SEPTIN9: variants seen among roughly 807,000 people sequenced by gnomAD.
SEPTIN9 encodes septin-9.
In SEPTIN9, 13 loss-of-function variants were observed where a neutral mutation model predicts 56.6. The ratio of observed to expected loss-of-function variants is 0.23; its 90% CI spans 0.15 to 0.37. The LOEUF (loss-of-function observed/expected upper bound fraction) is 0.37, where lower values mean the gene tolerates loss of function less well. SEPTIN9 is among the 10% of genes least tolerant of loss of function. SEPTIN9 has a pLI of 1.00. For synonymous variants in SEPTIN9, 332 were observed against 334.1 expected (o/e 0.99, Z 0.07); for missense variants, 650 against 823.1 (o/e 0.79, Z 2.57).
In SEPTIN9 at chr17:77,448,794, T is replaced by TTTTG. The variant is rs2037854202; in HGVS notation, c.722-33347_722-33346insGTTT. On this transcript the variant is annotated intron_variant, in intron 3 of 11. Transcript: ENST00000427177. ...TTTCCTTTTTCTTTTCTTTTCTTTT[T>TTTTG]TTTTTTAAATATGGGGTCTCACACT... 1.8e-4 allele frequency among the ~76,000 whole-genome samples: 28 copies of TTTTG among 152,268 alleles called. 1 individual carries two copies. In the East Asian group the frequency reaches 5.4e-3, roughly 29 times the overall value.
In SEPTIN9 at chr17:77,450,860, C is replaced by G; in HGVS notation, c.722-31284C>G. 6.2e-6 allele frequency: 6 copies of G among 966,992 alleles called. No homozygotes were observed. Among genetic ancestry groups the G allele is most frequent in the Non-Finnish European group, 7.4e-6 (6 of 813,046 alleles). The allele number at this position is 966,992 out of a possible 1,614,324, so 59.9% of individuals were successfully genotyped here. ...TTCCATGGTCCCAGCCAGCAAGCAC[C>G]TGGGGTAGAGGGGACAAACCCAGGT... is the stretch of plus-strand genomic sequence containing the variant. On this transcript the variant is annotated intron_variant, in intron 3 of 11. Coordinates refer to ENST00000427177, the MANE Select transcript of SEPTIN9 (RefSeq NM_001113491.2). This position sits in a 1 kb window ranked among gnomAD's most constrained non-coding sequence, Gnocchi z 6.0.
At chr17:77,415,525 T>A (rs1201788256) in intron 3 of SEPTIN9, among the ~76,000 whole-genome samples, 1 of 151,764 alleles carries the variant, frequency 6.6e-6, no homozygotes, top group South Asian at 2.1e-4. Context: ...GAGAATCTGC[T>A]TGATTCCAGG....
At chr17:77,410,232 C>T (rs1192448158) in intron 3 of SEPTIN9, among the ~76,000 whole-genome samples, 4 of 152,104 alleles carry the variant, frequency 2.6e-5, no homozygotes, top group Admixed American at 2.6e-4. Context: ...TGACCCTGTC[C>T]CCCCATCCCA....
intron 3 of SEPTIN9, among the ~76,000 whole-genome samples, chr17:77,412,221 G>A (rs770653299): frequency 6.6e-6 from 1 of 151,452 alleles, no homozygotes; most frequent in South Asian, 2.1e-4. Context: ...TCCCCTCGTC[G>A]ACCTGCTCAG....
At chr17:77,452,800 CTT>C (rs2038034850) in intron 3 of SEPTIN9, among the ~76,000 whole-genome samples, 1 of 151,250 alleles carries the variant, frequency 6.6e-6, no homozygotes, top group Non-Finnish European at 1.5e-5. Context: ...ATGTCATTCT[CTT>C]TGGCCAACTC....
rs1486974716 is a variant in SEPTIN9 at position 77,499,528 on chromosome 17, G to A, written c.*870G>A. 1 of 465,020 alleles carries A rather than the reference G, an allele frequency of 2.2e-6. No individual in the cohort carries two copies. 28.8% of individuals were successfully genotyped at this position (465,020 alleles called of 1,614,324 possible). ...TGAGTCTGGTGGAGGAGCTGAGGGA[G>A]GGAGCCATGGAAGGTGCCAGAAGGA... On this transcript the variant is annotated 3_prime_UTR_variant, in exon 12 of 12. Transcript: ENST00000427177.
chr17:77,313,706 C>G lies in SEPTIN9; in HGVS notation c.76+6509C>G, dbSNP rs1376247710. Among the ~76,000 whole-genome samples the G allele has an allele frequency of 6.6e-6, 1 of 152,054 alleles. No individual in the cohort carries two copies. Among genetic ancestry groups the G allele is most frequent in the Non-Finnish European group, 1.5e-5 (1 of 68,002 alleles). On this transcript the variant is annotated intron_variant, in intron 2 of 11. Transcript: ENST00000427177. This position sits in a 1 kb window ranked among gnomAD's most constrained non-coding sequence, Gnocchi z 4.5. ...TTCAGTGGTTGAGTCTGAGGATGAG[C>G]AGGAAATGAATGGAAAAGTCTTTTT...
intron 1 of SEPTIN9, among the ~76,000 whole-genome samples, chr17:77,289,193 T>C (rs1194212283): frequency 1.3e-5 from 2 of 152,058 alleles, no homozygotes; most frequent in Non-Finnish European, 2.9e-5. Context: ...GCCTCCTGGG[T>C]TCAAGCAATT....
At position 77,475,526 on chromosome 17, in the gene SEPTIN9, C is replaced by T. The variant is rs1045020723; in HGVS notation, c.722-6618C>T. 6.2e-7 allele frequency: 1 copy of T among 1,611,480 alleles called. No homozygotes were observed. The highest frequency in any genetic ancestry group is 8.5e-7 in the Non-Finnish European group (1 of 1,179,398). ...AGGACCTGAAGTGCCCCCATGGGCT[C>T]AAGTTTCTGGGAAGGCCTGCAGGTG... On this transcript the variant is annotated intron_variant, in intron 3 of 11. Transcript: ENST00000427177. The surrounding 1 kb of genome is among the most constrained non-coding windows in gnomAD (Gnocchi z 4.6).
rs140255695 is a variant in SEPTIN9, at chr17:77,316,497, G to A, written c.76+9300G>A. On this transcript the variant is annotated intron_variant, in intron 2 of 11. Transcript: ENST00000427177. ...CTCAGCAAGTGCTCCAGCCCTGGCC[G>A]TCAAACCCATAGTGTGCACAGCGTG... 2.0e-3 allele frequency among the ~76,000 whole-genome samples: 307 copies of A among 152,286 alleles called. 1 individual carries two copies. The highest frequency in any genetic ancestry group is 6.9e-3 in the African/African-American group (285 of 41,554).
chr17:77,433,313 T>C lies in SEPTIN9; in HGVS notation c.721+30610T>C, dbSNP rs2037215629. 6.6e-6 allele frequency among the ~76,000 whole-genome samples: 1 copy of C among 151,900 alleles called. No homozygotes were observed. The highest frequency in any genetic ancestry group is 1.5e-5 in the Non-Finnish European group (1 of 67,938). On this transcript the variant is annotated intron_variant, in intron 3 of 11. Transcript: ENST00000427177. This position sits in a 1 kb window ranked among gnomAD's most constrained non-coding sequence, Gnocchi z 6.4. ...CTCCATGCAGCCCCTTCACTGGCCA[T>C]TGCCTGAGACCCGACCTGGTGGCTC...
chr17:77,498,881 A>G lies in SEPTIN9; in HGVS notation c.*223A>G, dbSNP rs2040393072. ...TGTGGGGAGGCTGCACTGGAGCCAC[A>G]GGCAGGGGTGAGAGCACCCACTGAA... is the stretch of plus-strand genomic sequence containing the variant. On this transcript the variant is annotated 3_prime_UTR_variant, in exon 12 of 12. Coordinates refer to ENST00000427177, the MANE Select transcript of SEPTIN9 (RefSeq NM_001113491.2). 1.7e-6 allele frequency: 1 copy of G among 597,394 alleles called. No homozygotes were observed. The highest frequency in any genetic ancestry group is 3.2e-6 in the Non-Finnish European group (1 of 317,188). The allele number at this position is 597,394 out of a possible 1,614,324, so 37.0% of individuals were successfully genotyped here.
In SEPTIN9 at chr17:77,495,409, T is replaced by C. The variant is rs80342539; in HGVS notation, c.1574-1906T>C. On this transcript the variant is annotated intron_variant, in intron 10 of 11. Transcript: ENST00000427177. ...ACCCGGACTAGTAAGGGCTGTGCCTTGTTCTTGCCTCCCACTTGGTGAACA... is the reference window on the plus strand; with the variant it reads ...ACCCGGACTAGTAAGGGCTGTGCCTCGTTCTTGCCTCCCACTTGGTGAACA... Among the ~76,000 whole-genome samples the C allele has an allele frequency of 9.9e-3, 1,511 of 152,328 alleles. 25 individuals carry two copies. The highest frequency in any genetic ancestry group is 0.035 in the African/African-American group (1,463 of 41,560).
In SEPTIN9 at chr17:77,310,614, A is replaced by C. The variant is rs570964297; in HGVS notation, c.76+3417A>C. Among the ~76,000 whole-genome samples, 4 of 152,086 alleles carry C rather than the reference A, an allele frequency of 2.6e-5. No individual in the cohort carries two copies. Among genetic ancestry groups the C allele is most frequent in the African/African-American group, 9.6e-5 (4 of 41,464 alleles). On this transcript the variant is annotated intron_variant, in intron 2 of 11. Transcript: ENST00000427177. The surrounding 1 kb of genome is among the most constrained non-coding windows in gnomAD (Gnocchi z 4.7). ...CCAGGTGGATTTGGCTGGGCTGTGG[A>C]GATGCGCTTCTCAGCCCTTCTAGAT...
chr17:77,446,946 A>G (rs1306237122), intron 3 of SEPTIN9: 2 of 167,150 alleles, frequency 1.2e-5, no homozygotes, highest in Admixed American at 6.5e-5. Flanking sequence ...AAAATTTGCC[A>G]TTAGTAACAC....
At chr17:77,312,299 T>C (rs1321071775) in intron 2 of SEPTIN9, among the ~76,000 whole-genome samples, 3 of 152,180 alleles carry the variant, frequency 2.0e-5, no homozygotes, top group Non-Finnish European at 4.4e-5. Context: ...CGGGTCTTCT[T>C]ACTCATAGAG....
At chr17:77,386,682 C>T (rs781465855) in intron 2 of SEPTIN9, among the ~76,000 whole-genome samples, 40 of 152,190 alleles carry the variant, frequency 2.6e-4, no homozygotes, top group African/African-American at 7.5e-4. Context: ...CTGATCCTTG[C>T]GGACAGGTGA....
chr17:77,480,072 TGGGGG>T (rs1287254761), intron 3 of SEPTIN9, among the ~76,000 whole-genome samples: 36 of 152,034 alleles, frequency 2.4e-4, no homozygotes, highest in Admixed American at 6.5e-4. Context: ...GTGGCCTGGG[TGGGGG>T]CCACGTGGGG....
chr17:77,304,742 A>G (rs2032192759), intron 1 of SEPTIN9, among the ~76,000 whole-genome samples: 1 of 152,128 alleles, frequency 6.6e-6, no homozygotes, highest in Non-Finnish European at 1.5e-5. Context: ...GTTCACTCTC[A>G]GCCCCGGACA....
Sources: allele counts gnomAD v4.1 joint callset (sites outside exome capture counted in the v4.1 genomes callset), GRCh38; gene constraint gnomAD v4.1.1; non-coding constraint Gnocchi (gnomAD v3.1); transcripts MANE v1.5; gene names NCBI Gene and HGNC (gene_info 2026-07-23, HGNC 2026-07-21).